Variants in TAT observed in about 807,000 individuals in gnomAD.
TAT encodes the protein tyrosine aminotransferase.
TAT carries 35 observed loss-of-function variants against 53.6 expected under a neutral mutation model. That is an observed-to-expected ratio of 0.65 (90% CI 0.50 to 0.87). The LOEUF is 0.87. Among genes scored for constraint, TAT ranks in the 40% least tolerant of loss-of-function variants. The pLI is 0.00. For missense variants in TAT, 525 were observed against 571.8 expected (o/e 0.92, Z 0.83); for synonymous variants, 197 against 206.5 (o/e 0.95, Z 0.39).
chr16:71,568,253 A>T lies in TAT; in HGVS notation c.1256T>A (p.Val419Asp). The T allele has an allele frequency of 6.2e-7, 1 of 1,614,194 alleles. No individual in the cohort carries two copies. The highest frequency in any genetic ancestry group is 8.5e-7 in the Non-Finnish European group (1 of 1,180,036). Residue 419 changes from valine to aspartate, a missense_variant, in exon 12 of 12, where the codon GTC (valine) becomes GAC (aspartate). Coordinates refer to ENST00000355962, the MANE Select transcript of TAT (RefSeq NM_000353.3). ...CATCATCACCTCGGGGACTGTGATG[A>T]CCACTCGGATGAAATTCGGGTACTC... Reference protein sequence around the residue: ...CFEYPNFIRVVITVPEVMMLE... With the variant: ...CFEYPNFIRVDITVPEVMMLE...
At chr16:71,570,137 G>T in intron 9 of TAT, 132 bp downstream of exon 9, 1 of 1,460,408 alleles carries the variant, frequency 6.8e-7, no homozygotes, top group Non-Finnish European at 9.4e-7. Flanking sequence ...ACGTGTGTGT[G>T]GATGCTTACA....
intron 5 of TAT, 27 bp from the exon 6 acceptor site, chr16:71,572,351 A>C (rs1401662767): frequency 6.2e-7 from 1 of 1,614,116 alleles, no homozygotes; most frequent in Non-Finnish European, 8.5e-7. Context: ...GATGAGACTA[A>C]GATGATTCTG....
intron 10 of TAT, 134 bp from the exon 11 acceptor site, chr16:71,568,943 G>A (rs995951623): frequency 8.5e-6 from 6 of 707,668 alleles, no homozygotes; most frequent in African/African-American, 1.8e-5. Context: ...ATAAATAAGA[G>A]GGCTAATATT....
chr16:71,567,806 C>G lies in TAT; in HGVS notation c.*338G>C, dbSNP rs1268197348. The G allele has an allele frequency of 2.9e-6, 1 of 350,246 alleles. No homozygotes were observed. Among genetic ancestry groups the G allele is most frequent in the Non-Finnish European group, 5.5e-6 (1 of 182,136 alleles). The allele number at this position is 350,246 out of a possible 1,614,324, so 21.7% of individuals were successfully genotyped here. ...TCTCAATCTTTTTCTTTTCCCTCAT[C>G]CTGAGCTCTTATTTTCTTGTCTCAA... On this transcript the variant is annotated 3_prime_UTR_variant, in exon 12 of 12. Transcript: ENST00000355962.
At chr16:71,575,582 C>A (rs1016171301) in intron 3 of TAT, 1 of 391,814 alleles carries the variant, frequency 2.6e-6, no homozygotes, top group Non-Finnish European at 4.8e-6. Context: ...CATTTAGGAC[C>A]TAGAGGCTCA....
Position 71,567,907 on chromosome 16 carries a change from T to G in TAT, c.*237A>C. On this transcript the variant is annotated 3_prime_UTR_variant, in exon 12 of 12. Coordinates refer to ENST00000355962, the MANE Select transcript of TAT (RefSeq NM_000353.3). Reference sequence around the variant, plus strand: ...GAAATCTTACGAGAGGGAGGCAGATTAATGAATTAGTGAGTCACTCTAGCA... The same window carrying G: ...GAAATCTTACGAGAGGGAGGCAGATGAATGAATTAGTGAGTCACTCTAGCA... The G allele has an allele frequency of 1.8e-6, 1 of 545,006 alleles. No homozygotes were observed. The highest frequency in any genetic ancestry group is 2.2e-5 in the South Asian group (1 of 45,276). The allele number at this position is 545,006 out of a possible 1,614,324, so 33.8% of individuals were successfully genotyped here.
At chr16:71,570,893 C>A (rs553419212) in intron 7 of TAT, 62 bp from the exon 8 acceptor site, 8 of 1,576,990 alleles carry the variant, frequency 5.1e-6, no homozygotes, top group East Asian at 2.3e-5. Context: ...TCCCAGATCC[C>A]GTGGCTCCCA....
intron 2 of TAT, 68 bp downstream of exon 2, chr16:71,576,113 C>T (rs1189385353): frequency 1.9e-6 from 3 of 1,608,756 alleles, no homozygotes; most frequent in Non-Finnish European, 2.6e-6. Flanking sequence ...GCCATCTTCT[C>T]CAACCAGCCT....
Position 71,568,794 on chromosome 16 carries a change from C to G in TAT, c.1141G>C (p.Glu381Gln), listed in dbSNP as rs1263874373. The G allele has an allele frequency of 6.2e-6, 10 of 1,613,698 alleles. No individual in the cohort carries two copies. The highest frequency in any genetic ancestry group is 8.5e-6 in the Non-Finnish European group (10 of 1,179,924). Residue 381 changes from glutamate (E) to glutamine (Q), a missense_variant, in exon 11 of 12, where the codon GAA (glutamate) becomes CAA (glutamine). Glu to Gln is a conservative substitution (Grantham distance 29). Coordinates refer to ENST00000355962, the MANE Select transcript of TAT (RefSeq NM_000353.3). ...TCGTTCTCAAATTCTGGGAAATGTT[C>G]CATCTCAATTCCAACCTATACCAAC... Reference protein sequence around the residue: ...AMYLMVGIEMEHFPEFENDVE... With the variant: ...AMYLMVGIEMQHFPEFENDVE...
Position 71,569,863 on chromosome 16 carries a change from CA to C in TAT, c.1115del (p.Met372SerfsTer25). The C allele has an allele frequency of 6.2e-7, 1 of 1,613,770 alleles. No homozygotes were observed. The highest frequency in any genetic ancestry group is 8.5e-7 in the Non-Finnish European group (1 of 1,179,880). On this transcript the variant is annotated frameshift_variant, in exon 10 of 12. Coordinates refer to ENST00000355962, the MANE Select transcript of TAT (RefSeq NM_000353.3). LOFTEE classifies it high-confidence loss of function. Reference sequence around the variant, plus strand: ...CCACCCACATACTCACCATGAGGTACATAGCCCCAGAAGGGCGGACTGGCCG... The same window carrying C: ...CCACCCACATACTCACCATGAGGTACTAGCCCCAGAAGGGCGGACTGGCCG... ...GLRPVRPSGA[M>X]YLMVGIEMEH...
intron 9 of TAT, 71 bp from the exon 10 acceptor site, chr16:71,570,008 GC>G (rs1413052063): frequency 6.8e-7 from 1 of 1,479,550 alleles, no homozygotes; most frequent in East Asian, 2.4e-5. Flanking sequence ...ATTAAAAATA[GC>G]CCCCTCATTG....
chr16:71,572,152 C>T (rs1456472290), intron 6 of TAT, 34 bp downstream of exon 6: 1 of 1,613,800 alleles, frequency 6.2e-7, no homozygotes, highest in East Asian at 2.2e-5. Flanking sequence ...GATTCTGTCC[C>T]CACCTCGTCC....
rs148656877 is a variant in TAT at position 71,572,300 on chromosome 16, G to A, written c.592C>T (p.Leu198=). ...TCAATTAGATATTCCAGTTGTTTCA[G>A]GTCAATTTCCCAAGATTTCTCTGGC... ...LLPEKSWEID[L]KQLEYLIDEK... Residue 198 remains leucine, a synonymous_variant, in exon 6 of 12, where the codon CTG becomes TTG. Coordinates refer to ENST00000355962, the MANE Select transcript of TAT (RefSeq NM_000353.3). 56 of 1,614,068 alleles carry A rather than the reference G, an allele frequency of 3.5e-5. No homozygotes were observed. The African/African-American group carries it at 6.8e-4, about 20-fold the overall frequency.
At position 71,568,009 on chromosome 16, in the gene TAT, G is replaced by T; in HGVS notation, c.*135C>A. On this transcript the variant is annotated 3_prime_UTR_variant, in exon 12 of 12. Coordinates refer to ENST00000355962, the MANE Select transcript of TAT (RefSeq NM_000353.3). ...GTGTGGTTGTACTTGGGGAAAAGCAGGAACAATCTTGAACCCTTGACATGG... is the reference window on the plus strand; with the variant it reads ...GTGTGGTTGTACTTGGGGAAAAGCATGAACAATCTTGAACCCTTGACATGG... The T allele has an allele frequency of 9.5e-7, 1 of 1,047,170 alleles. No individual in the cohort carries two copies. The highest frequency in any genetic ancestry group is 1.5e-6 in the Non-Finnish European group (1 of 685,666). The allele number at this position is 1,047,170 out of a possible 1,614,324, so 64.9% of individuals were successfully genotyped here.
chr16:71,566,975 A>G lies in TAT; in HGVS notation c.*1169T>C, dbSNP rs2044167503. 1 of 152,164 alleles carries G rather than the reference A, an allele frequency of 6.6e-6. No homozygotes were observed. Among genetic ancestry groups the G allele is most frequent in the African/African-American group, 2.4e-5 (1 of 41,454 alleles). 9.4% of individuals were successfully genotyped at this position (152,164 alleles called of 1,614,324 possible). Reference sequence around the variant, plus strand: ...ATGAAAAGATAATATATATTAATAAATCAATATTAACATTACAGCAAAAGT... The same window carrying G: ...ATGAAAAGATAATATATATTAATAAGTCAATATTAACATTACAGCAAAAGT... On this transcript the variant is annotated 3_prime_UTR_variant, in exon 12 of 12. Coordinates refer to ENST00000355962, the MANE Select transcript of TAT (RefSeq NM_000353.3).
chr16:71,568,415 G>T, intron 11 of TAT, 131 bp from the exon 12 acceptor site: 1 of 884,494 alleles, frequency 1.1e-6, no homozygotes, highest in Non-Finnish European at 1.8e-6. Flanking sequence ...CAGCTCCCAT[G>T]ACTGGGATGC....
In TAT at chr16:71,572,181, C is replaced by T. The variant is rs777094117; in HGVS notation, c.706+5G>A. On this transcript the variant is annotated splice_donor_5th_base_variant and intron_variant, in intron 6 of 11. Transcript: ENST00000355962. ...CTCGTCCTCTGTGAAGTCTGCTGGA[C>T]GTACCTGCCAGAATCTTCTGAAGAT... 5.6e-6 allele frequency: 9 copies of T among 1,614,068 alleles called. No homozygotes were observed. Among genetic ancestry groups the T allele is most frequent in the Middle Eastern group, 1.7e-4 (1 of 6,060 alleles).
At chr16:71,572,482 A>G in intron 5 of TAT, 48 bp downstream of exon 5, 1 of 1,613,002 alleles carries the variant, frequency 6.2e-7, no homozygotes, top group Non-Finnish European at 8.5e-7. Context: ...TATATTTTTT[A>G]CAGGTTAGTA....
At chr16:71,573,638 T>G in intron 3 of TAT, 32 bp from the exon 4 acceptor site, 1 of 1,548,422 alleles carries the variant, frequency 6.5e-7, no homozygotes, top group Non-Finnish European at 8.7e-7. Flanking sequence ...TGGAGCTTTT[T>G]TGGTTTTTAG....
Sources: allele counts gnomAD v4.1 joint callset, GRCh38; gene constraint gnomAD v4.1.1; transcripts MANE v1.5; gene names NCBI Gene and HGNC (gene_info 2026-07-23, HGNC 2026-07-21).